The following ATP8A2 variants were observed in gnomAD, a reference collection of about 807,000 sequenced individuals.
ATP8A2 encodes ATPase phospholipid transporting 8A2.
In ATP8A2, 100 loss-of-function variants were observed where a neutral mutation model predicts 165.6. That is an observed-to-expected ratio of 0.60 (90% CI 0.51 to 0.71). The LOEUF (loss-of-function observed/expected upper bound fraction) is 0.71. ATP8A2 is among the 30% of genes least tolerant of loss of function. The probability of loss-of-function intolerance (pLI) is 0.00; values close to 1 mark genes in which losing one functional copy is unlikely to be tolerated. For synonymous variants in ATP8A2, 543 were observed against 548.8 expected (o/e 0.99, Z 0.15); for missense variants, 1,227 against 1,479.5 (o/e 0.83, Z 2.80).
At chr13:25,515,929 A>G (rs971161273) in intron 2 of ATP8A2, among the ~76,000 whole-genome samples, 5 of 152,204 alleles carry the variant, frequency 3.3e-5, no homozygotes, top group Non-Finnish European at 5.9e-5. Flanking sequence ...GCACTTTGCT[A>G]TATACGCATG....
At chr13:25,988,942 C>T (rs1956327347) in intron 35 of ATP8A2, among the ~76,000 whole-genome samples, 1 of 152,238 alleles carries the variant, frequency 6.6e-6, no homozygotes, top group Non-Finnish European at 1.5e-5. Context: ...CAGCATGAAG[C>T]AGGCACCTGC....
At chr13:25,849,050 C>T (rs1300856789) in intron 30 of ATP8A2, among the ~76,000 whole-genome samples, 1 of 152,084 alleles carries the variant, frequency 6.6e-6, no homozygotes, top group African/African-American at 2.4e-5. Context: ...TCTGGAATCC[C>T]GGCTGCTTTG....
chr13:25,959,000 A>G (rs893851084), intron 33 of ATP8A2, among the ~76,000 whole-genome samples: 4 of 152,224 alleles, frequency 2.6e-5, no homozygotes, highest in African/African-American at 9.6e-5. Context: ...TGTGTTCTTA[A>G]ATAAATACAC....
At chr13:25,937,364 T>TTCTTTCTTTCTTTTTTTTTTTC (rs1393634723) in intron 33 of ATP8A2, among the ~76,000 whole-genome samples, 1 of 115,516 alleles carries the variant, frequency 8.7e-6, no homozygotes, top group African/African-American at 3.7e-5. Flanking sequence ...CTTTCTTTCT[T>TTCTTTCTTTCTTTTTTTTTTTC]TTTTTTTTTT....
intron 30 of ATP8A2, among the ~76,000 whole-genome samples, chr13:25,857,658 C>T (rs371967743): frequency 1.9e-4 from 28 of 150,444 alleles, no homozygotes; most frequent in African/African-American, 6.8e-4. Context: ...GCAACCTTCA[C>T]CTCCCAGGTT....
chr13:25,925,182 G>A (rs1334707536), intron 33 of ATP8A2, among the ~76,000 whole-genome samples: 1 of 152,012 alleles, frequency 6.6e-6, no homozygotes, highest in Non-Finnish European at 1.5e-5. Flanking sequence ...CTCTCAGCTG[G>A]GTTTGTGAAG....
chr13:25,752,453 G>A (rs2765752), intron 25 of ATP8A2, among the ~76,000 whole-genome samples: 149,922 of 152,074 alleles, frequency 0.99, 73,937 homozygotes, highest in East Asian at 1. Flanking sequence ...GTGAGACTCT[G>A]AAAAAAAAGA....
intron 33 of ATP8A2, among the ~76,000 whole-genome samples, chr13:25,888,560 A>G (rs1460146727): frequency 6.6e-6 from 1 of 152,204 alleles, no homozygotes; most frequent in Non-Finnish European, 1.5e-5. Flanking sequence ...CAGTTAGTAT[A>G]TAGAAGTTTG....
At chr13:25,714,030 A>G (rs2043205470) in intron 25 of ATP8A2, among the ~76,000 whole-genome samples, 1 of 152,102 alleles carries the variant, frequency 6.6e-6, no homozygotes, top group Non-Finnish European at 1.5e-5. Context: ...CTGTAGGCTG[A>G]TATAGATTTC....
At chr13:26,012,647 TG>T in intron 36 of ATP8A2, 25 bp downstream of exon 36, 1 of 1,308,652 alleles carries the variant, frequency 7.6e-7, no homozygotes, top group East Asian at 4.9e-5. Context: ...CGGGGGCTGA[TG>T]GAGGAGTGGG....
chr13:25,524,723 A>G (rs1310894340), intron 2 of ATP8A2, among the ~76,000 whole-genome samples: 1 of 151,910 alleles, frequency 6.6e-6, no homozygotes, highest in Non-Finnish European at 1.5e-5. Context: ...TATAGGTGAT[A>G]TCGGTTTCTT....
At chr13:25,816,329 C>G (rs2138543226) in intron 27 of ATP8A2, among the ~76,000 whole-genome samples, 1 of 152,306 alleles carries the variant, frequency 6.6e-6, no homozygotes, top group African/African-American at 2.4e-5. Flanking sequence ...CGGTCTGAAT[C>G]CAGCCCTCTT....
At chr13:25,544,501 G>C (rs968393853) in intron 10 of ATP8A2, among the ~76,000 whole-genome samples, 28 of 152,170 alleles carry the variant, frequency 1.8e-4, no homozygotes, top group African/African-American at 6.5e-4. Context: ...TTGGAGACAG[G>C]GAGGAGAGAT....
At chr13:25,557,325 C>G (rs992866199) in intron 13 of ATP8A2, among the ~76,000 whole-genome samples, 1 of 152,138 alleles carries the variant, frequency 6.6e-6, no homozygotes, top group Non-Finnish European at 1.5e-5. Context: ...CCAGAGCAGG[C>G]CTTGGACCTT....
chr13:25,717,305 T>C (rs548002393), intron 25 of ATP8A2, among the ~76,000 whole-genome samples: 2 of 151,648 alleles, frequency 1.3e-5, no homozygotes, highest in Non-Finnish European at 2.9e-5. Flanking sequence ...CTATTGAGAA[T>C]GGGATCAGGG....
chr13:25,717,696 C>T (rs1341225123), intron 25 of ATP8A2, among the ~76,000 whole-genome samples: 1 of 152,190 alleles, frequency 6.6e-6, no homozygotes, highest in Non-Finnish European at 1.5e-5. Flanking sequence ...AAACCACTTT[C>T]TTATAATCTC....
At chr13:25,794,973 C>T (rs117629165) in intron 27 of ATP8A2, among the ~76,000 whole-genome samples, 4 of 152,150 alleles carry the variant, frequency 2.6e-5, no homozygotes, top group East Asian at 1.9e-4. Flanking sequence ...TTTGTAATCT[C>T]GGTAGCTCAG....
intron 25 of ATP8A2, among the ~76,000 whole-genome samples, chr13:25,706,944 G>A (rs147204355): frequency 2.0e-5 from 3 of 152,158 alleles, no homozygotes; most frequent in South Asian, 2.1e-4. Context: ...GTTCTAAATG[G>A]CTTCATTGTT....
chr13:25,938,035 A>T (rs1954965051), intron 33 of ATP8A2, among the ~76,000 whole-genome samples: 1 of 152,062 alleles, frequency 6.6e-6, no homozygotes, highest in African/African-American at 2.4e-5. Flanking sequence ...ATGTCTAAGA[A>T]TTCTGAAACT....
Sources: allele counts gnomAD v4.1 joint callset (sites outside exome capture counted in the v4.1 genomes callset), GRCh38; gene constraint gnomAD v4.1.1; transcripts MANE v1.5; gene names NCBI Gene and HGNC (gene_info 2026-07-23, HGNC 2026-07-21).